The following NOD1 variants were observed in gnomAD, a reference collection of about 807,000 sequenced individuals.
NOD1 encodes the protein nucleotide binding oligomerization domain containing 1, also known as nucleotide-binding oligomerization domain-containing protein 1.
A neutral mutation model predicts 81.2 loss-of-function variants in NOD1; 70 were observed. That is an observed-to-expected ratio of 0.86 (90% CI 0.71 to 1.05). The LOEUF is 1.05. NOD1 is among the 50% of genes least tolerant of loss of function. NOD1 has a pLI of 0.00. For missense variants in NOD1, 1,233 were observed against 1,228.0 expected (o/e 1.00, Z -0.06); for synonymous variants, 508 against 526.9 (o/e 0.96, Z 0.49).
At chr7:30,449,998 GC>G (rs1785518151) in intron 6 of NOD1, among the ~76,000 whole-genome samples, 1 of 152,218 alleles carries the variant, frequency 6.6e-6, no homozygotes, top group Non-Finnish European at 1.5e-5. Flanking sequence ...TTCAAGACCA[GC>G]CTGGCCAACA....
intron 11 of NOD1, among the ~76,000 whole-genome samples, chr7:30,433,571 G>T (rs550782904): frequency 6.6e-6 from 1 of 152,286 alleles, no homozygotes; most frequent in South Asian, 2.1e-4. Flanking sequence ...ATCCAAGTTA[G>T]TTTGAAGACC....
chr7:30,477,801 G>C (rs1788943033), intron 1 of NOD1, among the ~76,000 whole-genome samples: 1 of 151,634 alleles, frequency 6.6e-6, no homozygotes, highest in Non-Finnish European at 1.5e-5. Flanking sequence ...GATTACAGGC[G>C]TGAGCCACCG....
rs755261216 is a variant in NOD1, at chr7:30,429,479, TATAAAATCCATAATA to T, written c.2706-37_2706-23del. On this transcript the variant is annotated intron_variant, in intron 12 of 13. Coordinates refer to ENST00000222823, the MANE Select transcript of NOD1 (RefSeq NM_006092.4). ...AAGCCTGAAAGAAGAACATAACTTG[TATAAAATCCATAATA>T]CTGGATCAAATTTGACCCCTTCGTA... is the stretch of plus-strand genomic sequence containing the variant. 2.4e-4 allele frequency: 388 copies of T among 1,605,990 alleles called. 1 individual carries two copies. The highest frequency in any genetic ancestry group is 2.6e-4 in the Non-Finnish European group (305 of 1,172,744).
At chr7:30,428,680 TA>T (rs1783677990) in intron 13 of NOD1, 1 of 152,144 alleles carries the variant, frequency 6.6e-6, no homozygotes, top group South Asian at 2.1e-4. Context: ...TGTTTTTTTT[TA>T]ATTGGCTATG....
At chr7:30,449,361 C>G (rs922079428) in intron 6 of NOD1, among the ~76,000 whole-genome samples, 3 of 152,188 alleles carry the variant, frequency 2.0e-5, no homozygotes, top group African/African-American at 7.2e-5. Context: ...AATAGATTCC[C>G]CCATCTTTTA....
Position 30,451,714 on chromosome 7 carries a change from A to C in NOD1, c.1703T>G (p.Leu568Arg), listed in dbSNP as rs1293860429. 6 of 1,613,786 alleles carry C rather than the reference A, an allele frequency of 3.7e-6. No homozygotes were observed. In the African/African-American group the frequency reaches 8.0e-5, roughly 22 times the overall value. ...TTCCCGCGCCGGACCACTGCCCTGC[A>C]GGCACTGGAACGGGAGGAAGGGAGG... ...CYPPFLPFQC[L>R]QGSGPAREDL... The change falls in exon 6 of 14, where the codon CTG becomes CGG. Residue 568 changes from leucine to arginine, a missense_variant. Transcript: ENST00000222823. The surrounding 1 kb of genome is among the most constrained non-coding windows in gnomAD (Gnocchi z 4.2).
Position 30,467,597 on chromosome 7 carries a change from C to T in NOD1, c.-351-7556G>A, listed in dbSNP as rs999910783. Among the ~76,000 whole-genome samples the T allele has an allele frequency of 6.6e-6, 1 of 152,230 alleles. No individual in the cohort carries two copies. On this transcript the variant is annotated intron_variant, in intron 1 of 13. Coordinates refer to ENST00000222823, the MANE Select transcript of NOD1 (RefSeq NM_006092.4). This position sits in a 1 kb window ranked among gnomAD's most constrained non-coding sequence, Gnocchi z 4.5. ...AGATGAGATGTTAAGACTTTCTGTG[C>T]ACCTGTAAATCAATAAAAAGCTCTT...
chr7:30,453,867 T>C (rs1786060880), intron 5 of NOD1, among the ~76,000 whole-genome samples: 1 of 152,248 alleles, frequency 6.6e-6, no homozygotes, highest in Non-Finnish European at 1.5e-5. Context: ...TTACCTTTTC[T>C]GGACATTTCA....
Sources: gnomAD v4.1 joint callset for allele counts (sites outside exome capture counted in the v4.1 genomes callset) on GRCh38, gnomAD v4.1.1 for gene constraint, Gnocchi (gnomAD v3.1) non-coding constraint, MANE v1.5 for transcripts, NCBI Gene and HGNC (gene_info 2026-07-23, HGNC 2026-07-21) for gene names.